Variants in ADCY2 observed in about 807,000 individuals in gnomAD.
ADCY2 encodes adenylate cyclase 2.
In ADCY2, 31 loss-of-function variants were observed where a neutral mutation model predicts 125.2. The ratio of observed to expected loss-of-function variants is 0.25; its 90% CI spans 0.19 to 0.33. The LOEUF is 0.33. Among genes scored for constraint, ADCY2 ranks in the 10% least tolerant of loss-of-function variants. The pLI, the probability that ADCY2 is intolerant of heterozygous loss-of-function variation, is 1.00. For synonymous variants in ADCY2, 512 were observed against 548.4 expected, an observed-to-expected ratio of 0.93 and a Z score of 0.93; for missense variants, 904 against 1,418.2, an observed-to-expected ratio of 0.64 and a Z score of 5.82.
intron 4 of ADCY2, among the ~76,000 whole-genome samples, chr5:7,672,422 G>A (rs13187076): frequency 0.76 from 115,264 of 152,088 alleles, 44,411 homozygotes; most frequent in South Asian, 0.84. Flanking sequence ...TCAAACTACC[G>A]CCTGTGGGTC....
intron 2 of ADCY2, among the ~76,000 whole-genome samples, chr5:7,482,932 CAT>C (rs2126476073): frequency 6.6e-6 from 1 of 151,988 alleles, no homozygotes; most frequent in East Asian, 1.9e-4. Context: ...ACGAATACCA[CAT>C]GTTCTCACTC....
At chr5:7,654,737 C>T (rs112421292) in intron 4 of ADCY2, among the ~76,000 whole-genome samples, 12 of 152,222 alleles carry the variant, frequency 7.9e-5, no homozygotes, top group African/African-American at 2.2e-4. Flanking sequence ...GGGTGGAAAA[C>T]GGGAGCAGTT....
rs1744494894 is a variant in ADCY2 at position 7,798,570 on chromosome 5, T to G, written c.2629-3648T>G. On this transcript the variant is annotated intron_variant, in intron 20 of 24. Coordinates refer to ENST00000338316, the MANE Select transcript of ADCY2 (RefSeq NM_020546.3). ...ACAACGAGGGCAAGAGTTTTGACTA[T>G]TTCTTTTTTTTTTCTTTTTTTTTTT... 6.3e-5 allele frequency: 5 copies of G among 79,942 alleles called. No individual in the cohort carries two copies. In the South Asian group the frequency reaches 2.8e-3, roughly 45 times the overall value. The allele number at this position is 79,942 out of a possible 1,614,324, so 5.0% of individuals were successfully genotyped here.
intron 4 of ADCY2, among the ~76,000 whole-genome samples, chr5:7,626,741 A>G (rs1738141946): frequency 6.6e-6 from 1 of 152,130 alleles, no homozygotes; most frequent in Admixed American, 6.5e-5. Flanking sequence ...AACTCCCTCA[A>G]ACTCCCTTCC....
chr5:7,631,324 T>C (rs571489254), intron 4 of ADCY2, among the ~76,000 whole-genome samples: 1 of 152,336 alleles, frequency 6.6e-6, no homozygotes, highest in Non-Finnish European at 1.5e-5. Context: ...TGTGGGACCG[T>C]TAGTCAGCCT....
intron 7 of ADCY2, among the ~76,000 whole-genome samples, chr5:7,704,816 T>A (rs1362783188): frequency 6.6e-6 from 1 of 150,498 alleles, no homozygotes; most frequent in Non-Finnish European, 1.5e-5. Context: ...CGGCGGAGCT[T>A]GCAGTGAGCC....
At chr5:7,542,362 A>G (rs1561083688) in intron 3 of ADCY2, among the ~76,000 whole-genome samples, 1 of 100,224 alleles carries the variant, frequency 1.0e-5, no homozygotes, top group Non-Finnish European at 1.9e-5. Flanking sequence ...AATATTACAG[A>G]AAAAAAAAAA....
chr5:7,766,549 C>A, intron 16 of ADCY2, 138 bp from the exon 17 acceptor site: 1 of 788,378 alleles, frequency 1.3e-6, no homozygotes, highest in East Asian at 2.9e-5. Flanking sequence ...ATTACTTATT[C>A]AATAGAAATT....
chr5:7,609,541 T>C (rs1737500387), intron 3 of ADCY2, among the ~76,000 whole-genome samples: 1 of 152,214 alleles, frequency 6.6e-6, no homozygotes, highest in Non-Finnish European at 1.5e-5. Context: ...ATCCATTTAA[T>C]AAATACTTAT....
intron 4 of ADCY2, among the ~76,000 whole-genome samples, chr5:7,629,082 G>A (rs1054906431): frequency 6.6e-6 from 1 of 152,206 alleles, no homozygotes; most frequent in African/African-American, 2.4e-5. Flanking sequence ...CATTCCGGAA[G>A]GATATGTGTT....
chr5:7,826,476 T>G, intron 24 of ADCY2: 1 of 616,354 alleles, frequency 1.6e-6, no homozygotes, highest in South Asian at 1.6e-5. Context: ...CACCGTAGTT[T>G]ACTGGAGTTA....
chr5:7,637,341 G>A (rs527916415), intron 4 of ADCY2, among the ~76,000 whole-genome samples: 3 of 150,740 alleles, frequency 2.0e-5, no homozygotes, highest in South Asian at 4.2e-4. Flanking sequence ...GTGGTGGTGA[G>A]TGCCTGTAAT....
intron 11 of ADCY2, among the ~76,000 whole-genome samples, chr5:7,715,726 A>T (rs1298235472): frequency 2.0e-5 from 3 of 152,200 alleles, no homozygotes; most frequent in Non-Finnish European, 4.4e-5. Context: ...TGAAGAAGAC[A>T]GGGCCCGAAG....
chr5:7,491,934 C>G (rs774076284), intron 2 of ADCY2, among the ~76,000 whole-genome samples: 4 of 152,216 alleles, frequency 2.6e-5, no homozygotes, highest in Admixed American at 1.3e-4. Context: ...TTAAAAAGAA[C>G]TAACTGAACT....
chr5:7,752,424 T>C (rs184665497), intron 15 of ADCY2, among the ~76,000 whole-genome samples: 2 of 152,316 alleles, frequency 1.3e-5, no homozygotes, highest in Admixed American at 6.5e-5. Context: ...TTCGTTTTTC[T>C]AATAATAAAA....
chr5:7,587,888 C>G (rs1324374136), intron 3 of ADCY2, among the ~76,000 whole-genome samples: 2 of 152,128 alleles, frequency 1.3e-5, no homozygotes, highest in African/African-American at 4.8e-5. Context: ...GATGTCTCTT[C>G]TTCTACTTTG....
intron 3 of ADCY2, among the ~76,000 whole-genome samples, chr5:7,590,995 C>A (rs921027572): frequency 1.6e-4 from 24 of 152,122 alleles, no homozygotes; most frequent in African/African-American, 5.3e-4. Context: ...AAAGGTAATT[C>A]AGTTTTATCA....
At chr5:7,549,136 G>T (rs1442492153) in intron 3 of ADCY2, among the ~76,000 whole-genome samples, 3 of 152,178 alleles carry the variant, frequency 2.0e-5, no homozygotes, top group Non-Finnish European at 4.4e-5. Context: ...CCATGAAGTT[G>T]GCATATGAAG....
At chr5:7,528,170 A>C (rs970860661) in intron 3 of ADCY2, among the ~76,000 whole-genome samples, 2 of 152,204 alleles carry the variant, frequency 1.3e-5, no homozygotes, top group African/African-American at 2.4e-5. Context: ...GAAAGTGCCT[A>C]AGGTGACTAA....
Sources: allele counts gnomAD v4.1 joint callset (sites outside exome capture counted in the v4.1 genomes callset), GRCh38; gene constraint gnomAD v4.1.1; transcripts MANE v1.5; gene names NCBI Gene and HGNC (gene_info 2026-07-23, HGNC 2026-07-21).